LARS1: variants seen among roughly 807,000 people sequenced by gnomAD.
LARS1 encodes leucyl-tRNA synthetase 1.
Under a neutral mutation model 162.8 loss-of-function variants are expected in LARS1, and 100 were observed. The ratio of observed to expected loss-of-function variants is 0.61; its 90% CI spans 0.52 to 0.73. The LOEUF is 0.73. Ranked by LOEUF, LARS1 falls within the 30% of genes least tolerant of loss-of-function variation. LARS1 has a pLI of 0.00. For synonymous variants in LARS1, 457 were observed against 462.8 expected (o/e 0.99, Z 0.16); for missense variants, 1,258 against 1,408.9 (o/e 0.89, Z 1.71).
intron 20 of LARS1, among the ~76,000 whole-genome samples, chr5:146,141,754 C>A (rs1752787195): frequency 6.6e-6 from 1 of 152,126 alleles, no homozygotes; most frequent in African/African-American, 2.4e-5. Flanking sequence ...CAAGATCATG[C>A]CATTGCACTC....
chr5:146,133,692 CAAAAAAAAAAA>C (rs55993097), intron 22 of LARS1, among the ~76,000 whole-genome samples: 1 of 112,312 alleles, frequency 8.9e-6, no homozygotes, highest in Non-Finnish European at 1.7e-5. Context: ...TATAGGGTTG[CAAAAAAAAAAA>C]AAAAAAAAAG....
intron 21 of LARS1, chr5:146,137,692 A>G: frequency 5.1e-6 from 1 of 196,276 alleles, no homozygotes; most frequent in Non-Finnish European, 1.1e-5. Context: ...TAAGAAAAAT[A>G]GCTCTTCCCA....
chr5:146,178,108 T>A (rs1223370331), intron 1 of LARS1, among the ~76,000 whole-genome samples: 1 of 151,000 alleles, frequency 6.6e-6, no homozygotes, highest in African/African-American at 2.4e-5. Flanking sequence ...AAAAAAAAAA[T>A]TAGGATTATC....
intron 10 of LARS1, among the ~76,000 whole-genome samples, chr5:146,155,393 T>C (rs1022194016): frequency 3.3e-5 from 5 of 152,146 alleles, no homozygotes; most frequent in Non-Finnish European, 5.9e-5. Context: ...CTTTCAATGA[T>C]AGAAAAAATG....
chr5:146,146,711 G>A (rs1027206356), intron 15 of LARS1, among the ~76,000 whole-genome samples: 3 of 149,172 alleles, frequency 2.0e-5, no homozygotes, highest in African/African-American at 7.4e-5. Flanking sequence ...AAAATGCTCA[G>A]TTGCTTAGAC....
intron 15 of LARS1, among the ~76,000 whole-genome samples, chr5:146,146,844 G>C (rs1356204892): frequency 6.6e-6 from 1 of 151,692 alleles, no homozygotes; most frequent in Non-Finnish European, 1.5e-5. Context: ...CTCCCGAATA[G>C]CTGGAATTAG....
At chr5:146,138,138 G>T in intron 21 of LARS1, 1 of 139,892 alleles carries the variant, frequency 7.1e-6, no homozygotes. Context: ...AAAAAAAAAA[G>T]TGAAACTGTT....
intron 31 of LARS1, among the ~76,000 whole-genome samples, chr5:146,118,706 G>A (rs963091155): frequency 3.3e-5 from 5 of 152,176 alleles, no homozygotes; most frequent in Non-Finnish European, 1.5e-5. Context: ...AGGGACTGGA[G>A]GGAAGGAGAA....
chr5:146,150,484 G>T (rs1304988959), intron 14 of LARS1, among the ~76,000 whole-genome samples: 3 of 152,126 alleles, frequency 2.0e-5, no homozygotes, highest in African/African-American at 7.2e-5. Context: ...TGAATTAGCT[G>T]GGTGTGATGG....
At chr5:146,151,503 T>C (rs1396847205) in intron 14 of LARS1, among the ~76,000 whole-genome samples, 4 of 152,190 alleles carry the variant, frequency 2.6e-5, no homozygotes, top group Non-Finnish European at 4.4e-5. Flanking sequence ...TAAAACTGCT[T>C]ATCTAAAATA....
chr5:146,157,281 TAC>T (rs1390284269), intron 10 of LARS1, 120 bp downstream of exon 10: 3 of 794,578 alleles, frequency 3.8e-6, no homozygotes, highest in Non-Finnish European at 6.3e-6. Flanking sequence ...ACACAAGACT[TAC>T]ACAGTTTACT....
chr5:146,152,260 C>A (rs1753327669), intron 13 of LARS1, among the ~76,000 whole-genome samples: 1 of 152,160 alleles, frequency 6.6e-6, no homozygotes, highest in Admixed American at 6.5e-5. Flanking sequence ...CCTTTCCCAA[C>A]ACTCTATCCT....
chr5:146,144,122 C>T (rs916467403), intron 18 of LARS1, 145 bp downstream of exon 18: 7 of 636,664 alleles, frequency 1.1e-5, no homozygotes, highest in Non-Finnish European at 2.0e-5. Context: ...TGGACTATAT[C>T]CTAGTTTTCA....
intron 31 of LARS1, among the ~76,000 whole-genome samples, chr5:146,117,081 C>A (rs556692804): frequency 5.9e-5 from 9 of 152,236 alleles, no homozygotes; most frequent in Non-Finnish European, 2.9e-5. Context: ...CAGCTACTAA[C>A]ATCAAACTTA....
At chr5:146,146,391 TGAAAA>T (rs1753009655) in intron 15 of LARS1, among the ~76,000 whole-genome samples, 2 of 144,550 alleles carry the variant, frequency 1.4e-5, no homozygotes, top group African/African-American at 5.1e-5. Flanking sequence ...AAGGTGAGAC[TGAAAA>T]GAAGAGCACC....
chr5:146,176,542 A>G lies in LARS1; in HGVS notation c.125+1005T>C, dbSNP rs545904282. On this transcript the variant is annotated intron_variant, in intron 2 of 31. Transcript: ENST00000394434. ...GCTAGCACATTTGCTAGCACACAGT[A>G]AGTGTTCAATGTTAACTTACTATTA... 3.9e-5 allele frequency among the ~76,000 whole-genome samples: 6 copies of G among 152,116 alleles called. No individual in the cohort carries two copies. In the South Asian group the frequency reaches 1.2e-3, roughly 32 times the overall value.
chr5:146,133,033 T>C lies in LARS1; in HGVS notation c.2261A>G (p.Asn754Ser). 1 of 1,614,076 alleles carries C rather than the reference T, an allele frequency of 6.2e-7. No homozygotes were observed. Among genetic ancestry groups the C allele is most frequent in the Non-Finnish European group, 8.5e-7 (1 of 1,179,982 alleles). ...TGCATCTGCCATGGCTTCCACAAAG[T>C]TGGCATCTTCTACAGTGTCACCAGC... is the stretch of plus-strand genomic sequence containing the variant. ...ADAGDTVEDA[N>S]FVEAMADAGI... The change falls in exon 23 of 32, where the codon AAC becomes AGC. Residue 754 changes from asparagine (N) to serine (S), a missense_variant. Transcript: ENST00000394434.
chr5:146,144,386 G>T, intron 17 of LARS1, 37 bp from the exon 18 acceptor site: 1 of 1,592,280 alleles, frequency 6.3e-7, no homozygotes, highest in Non-Finnish European at 8.6e-7. Context: ...ATCTTTACTG[G>T]TTCACTTTTT....
At chr5:146,126,640 A>G in intron 27 of LARS1, 95 bp from the exon 28 acceptor site, 1 of 760,042 alleles carries the variant, frequency 1.3e-6, no homozygotes, top group Non-Finnish European at 2.2e-6. Flanking sequence ...GGTGGCCTCT[A>G]TCAATCCTTA....
Sources: gnomAD v4.1 joint callset for allele counts (sites outside exome capture counted in the v4.1 genomes callset) on GRCh38, gnomAD v4.1.1 for gene constraint, MANE v1.5 for transcripts, NCBI Gene and HGNC (gene_info 2026-07-23, HGNC 2026-07-21) for gene names.